Variants in HTN3 observed in about 807,000 individuals in gnomAD.
The protein encoded by HTN3 is histatin-3.
In HTN3, 15 loss-of-function variants were observed where a neutral mutation model predicts 10.6. The ratio of observed to expected loss-of-function variants is 1.42; its 90% confidence interval spans 0.95 to 2.18. The LOEUF is 2.18. Among genes scored for constraint, HTN3 ranks in the 30% most tolerant of loss-of-function variants. The pLI, the probability that HTN3 is intolerant of heterozygous loss-of-function variation, is 0.00. For missense variants in HTN3, 68 were observed against 58.0 expected, an observed-to-expected ratio of 1.17 and a Z score of -0.56; for synonymous variants, 15 against 16.9, an observed-to-expected ratio of 0.89 and a Z score of 0.27.
rs1725519436 is a variant in HTN3 at position 70,036,518 on chromosome 4, A to T, written c.*285A>T. On this transcript the variant is annotated 3_prime_UTR_variant, in exon 6 of 6. Coordinates refer to ENST00000673563, the MANE Select transcript of HTN3 (RefSeq NM_000200.3). Reference sequence around the variant, plus strand: ...TTCATTCCTCTCCAAAAGCAATAAAATTCAAGCACATTATTATGTGTATGC... The same window carrying T: ...TTCATTCCTCTCCAAAAGCAATAAATTTCAAGCACATTATTATGTGTATGC... 6.6e-6 allele frequency: 1 copy of T among 152,204 alleles called. No homozygotes were observed. The highest frequency in any genetic ancestry group is 2.4e-5 in the African/African-American group (1 of 41,458). The allele number at this position is 152,204 out of a possible 1,614,324, so 9.4% of individuals were successfully genotyped here. A position where few individuals can be genotyped will look rare whatever the true frequency, so the allele number is the denominator to read the frequency against.
chr4:70,033,494 T>C, intron 5 of HTN3: 1 of 279,112 alleles, frequency 3.6e-6, no homozygotes, highest in South Asian at 6.0e-5. Context: ...ACCGGTACCA[T>C]GCTGTTTTGG....
intron 1 of HTN3, among the ~76,000 whole-genome samples, chr4:70,030,289 C>A (rs761833042): frequency 2.6e-5 from 4 of 152,020 alleles, no homozygotes; most frequent in African/African-American, 9.7e-5. Context: ...TGTGTGTTTC[C>A]TTAGCATATT....
At chr4:70,031,456 C>T (rs1355144194) in intron 2 of HTN3, 1 of 153,888 alleles carries the variant, frequency 6.5e-6, no homozygotes. Context: ...AATACTAATA[C>T]TTCAACCTAT....
In HTN3 at chr4:70,034,914, T is replaced by C. The variant is rs182477173; in HGVS notation, c.*34-1353T>C. On this transcript the variant is annotated intron_variant, in intron 5 of 5. Coordinates refer to ENST00000673563, the MANE Select transcript of HTN3 (RefSeq NM_000200.3). Reference sequence around the variant, plus strand: ...TCCTTTGCAGGGAAATGGATAAAGCTGGAAGCCATCATCCTCAGAAAACTA... The same window carrying C: ...TCCTTTGCAGGGAAATGGATAAAGCCGGAAGCCATCATCCTCAGAAAACTA... Among the ~76,000 whole-genome samples the C allele has an allele frequency of 1.8e-4, 27 of 152,274 alleles. No homozygotes were observed. In the East Asian group the frequency reaches 4.2e-3, roughly 24 times the overall value.
In HTN3 at chr4:70,033,217, T is replaced by C. The variant is rs137899185; in HGVS notation, c.153T>C (p.Asn51=). The C allele has an allele frequency of 1.3e-4, 202 of 1,587,798 alleles. 2 individuals carry two copies. In the Middle Eastern group the frequency reaches 2.7e-3, roughly 21 times the overall value. Residue 51 remains asparagine (N), a synonymous_variant, in exon 5 of 6, where the codon AAT becomes AAC. Transcript: ENST00000673563. ...RGYRSNYLYD[N] is the part of the protein sequence containing the mutation. ...ATAGATCAAATTATCTGTATGACAA[T>C]TGATATCTTCAGTAATCACGGGGCA... is the stretch of plus-strand genomic sequence containing the variant.
chr4:70,034,610 G>A (rs1725465784), intron 5 of HTN3, among the ~76,000 whole-genome samples: 1 of 152,192 alleles, frequency 6.6e-6, no homozygotes, highest in African/African-American at 2.4e-5. Flanking sequence ...TGGTGAGAAT[G>A]CACATTAGTT....
chr4:70,035,147 C>T (rs28707754), intron 5 of HTN3, among the ~76,000 whole-genome samples: 12,685 of 152,044 alleles, frequency 0.083, 764 homozygotes, highest in East Asian at 0.19. Flanking sequence ...CACATGTATC[C>T]CTGAACTTAA....
intron 5 of HTN3, among the ~76,000 whole-genome samples, chr4:70,035,696 G>A (rs1725499174): frequency 6.6e-6 from 1 of 152,036 alleles, no homozygotes; most frequent in African/African-American, 2.4e-5. Context: ...TATATTCACA[G>A]CATAAAATGT....
intron 5 of HTN3, 34 bp from the exon 6 acceptor site, chr4:70,036,233 G>A (rs1219189012): frequency 6.6e-6 from 1 of 151,912 alleles, no homozygotes; most frequent in African/African-American, 2.4e-5. Context: ...ATATCAATTT[G>A]GGCGATAAAG....
intron 1 of HTN3, among the ~76,000 whole-genome samples, chr4:70,030,447 G>A (rs1401266327): frequency 6.6e-5 from 10 of 152,116 alleles, no homozygotes; most frequent in Non-Finnish European, 1.2e-4. Flanking sequence ...GCAATATAGT[G>A]AGACTAAAAA....
At position 70,029,329 on chromosome 4, in the gene HTN3, T is replaced by C. The variant is rs1265662184; in HGVS notation, c.-14+813T>C. On this transcript the variant is annotated intron_variant, in intron 1 of 5. Transcript: ENST00000673563. Reference sequence around the variant, plus strand: ...TTTATCTATTAGGTAATAGAAAAACTTCAAGAAATATATAATTTTTATAGT... The same window carrying C: ...TTTATCTATTAGGTAATAGAAAAACCTCAAGAAATATATAATTTTTATAGT... 2.0e-5 allele frequency among the ~76,000 whole-genome samples: 3 copies of C among 151,976 alleles called. No homozygotes were observed. The East Asian group carries it at 5.8e-4, about 29-fold the overall frequency.
chr4:70,035,641 T>G (rs760990093), intron 5 of HTN3, among the ~76,000 whole-genome samples: 1 of 152,226 alleles, frequency 6.6e-6, no homozygotes, highest in Non-Finnish European at 1.5e-5. Flanking sequence ...CAAGGAAATA[T>G]GATATGGTAA....
intron 5 of HTN3, 66 bp downstream of exon 5, chr4:70,033,319 T>C: frequency 2.7e-6 from 2 of 732,226 alleles, no homozygotes; most frequent in Non-Finnish European, 4.4e-6. Flanking sequence ...CAAGGAAAAA[T>C]TAAAAAAAAG....
Position 70,033,147 on chromosome 4 carries a change from C to A in HTN3, c.103-20C>A, listed in dbSNP as rs779130373. ...GCCTCTATTCTCTGCAATTTGCTCT[C>A]TCCTTTTGTGTGTATGCAGGAAAAG... On this transcript the variant is annotated intron_variant, in intron 4 of 5. Coordinates refer to ENST00000673563, the MANE Select transcript of HTN3 (RefSeq NM_000200.3). 6.3e-7 allele frequency: 1 copy of A among 1,593,188 alleles called. No individual in the cohort carries two copies. Among genetic ancestry groups the A allele is most frequent in the Non-Finnish European group, 8.6e-7 (1 of 1,164,716 alleles).
In HTN3 at chr4:70,030,713, T is replaced by G. The variant is rs200503945; in HGVS notation, c.-13-15T>G. ...AAAGAATGTGATTACTGATTTTTCA[T>G]GTTTGATTTTATAGGACTCAGCCAA... On this transcript the variant is annotated splice_polypyrimidine_tract_variant and intron_variant, in intron 1 of 5. Transcript: ENST00000673563. 6.5e-5 allele frequency: 100 copies of G among 1,549,468 alleles called. No individual in the cohort carries two copies. The highest frequency in any genetic ancestry group is 8.8e-5 in the Non-Finnish European group (99 of 1,122,104).
chr4:70,035,124 C>A (rs140499023), intron 5 of HTN3, among the ~76,000 whole-genome samples: 71 of 152,192 alleles, frequency 4.7e-4, no homozygotes, highest in African/African-American at 1.7e-3. Context: ...ATGAAACAAT[C>A]CTGCACATTC....
chr4:70,030,872 A>G (rs1725369711), intron 2 of HTN3, 81 bp downstream of exon 2: 2 of 1,082,954 alleles, frequency 1.8e-6, no homozygotes, highest in Non-Finnish European at 2.8e-6. Flanking sequence ...GTTCTGCCAT[A>G]TATTCATGTT....
Position 70,033,708 on chromosome 4 carries a change from C to G in HTN3, c.*33+455C>G, listed in dbSNP as rs558557486. Among the ~76,000 whole-genome samples the G allele has an allele frequency of 9.7e-4, 147 of 152,166 alleles. 1 individual carries two copies. The South Asian group carries it at 0.03, about 31-fold the overall frequency. On this transcript the variant is annotated intron_variant, in intron 5 of 5. Transcript: ENST00000673563. Reference sequence around the variant, plus strand: ...CTATAAATTACTTTGGGCAGTAAGGCCATTTTCATGAAATTGATTCTTCTT... The same window carrying G: ...CTATAAATTACTTTGGGCAGTAAGGGCATTTTCATGAAATTGATTCTTCTT...
rs1350798464 is a variant in HTN3 at position 70,036,284 on chromosome 4, G to T, written c.*51G>T. ...CTTCATAGGTTTGACTGGCAAATTCGCTTTGGACTCGTGTATTCTCATTTG... is the reference window on the plus strand; with the variant it reads ...CTTCATAGGTTTGACTGGCAAATTCTCTTTGGACTCGTGTATTCTCATTTG... On this transcript the variant is annotated 3_prime_UTR_variant, in exon 6 of 6. Coordinates refer to ENST00000673563, the MANE Select transcript of HTN3 (RefSeq NM_000200.3). 1.3e-5 allele frequency: 2 copies of T among 152,116 alleles called. No individual in the cohort carries two copies. Among genetic ancestry groups the T allele is most frequent in the Non-Finnish European group, 2.9e-5 (2 of 68,010 alleles). 9.4% of individuals were successfully genotyped at this position (152,116 alleles called of 1,614,324 possible).
Sources: gnomAD v4.1 joint callset for allele counts (sites outside exome capture counted in the v4.1 genomes callset) on GRCh38, gnomAD v4.1.1 for gene constraint, MANE v1.5 for transcripts, NCBI Gene and HGNC (gene_info 2026-07-23, HGNC 2026-07-21) for gene names.